RPS6KC1: variants seen among roughly 807,000 people sequenced by gnomAD.
The protein encoded by RPS6KC1 is inactive ribosomal protein S6 kinase delta-1.
RPS6KC1 carries 54 observed loss-of-function variants against 103.8 expected under a neutral mutation model. That is an observed-to-expected ratio of 0.52 (90% CI 0.42 to 0.65). The LOEUF (loss-of-function observed/expected upper bound fraction) is 0.65, where lower values mean the gene tolerates loss of function less well. Ranked by LOEUF, RPS6KC1 falls within the 30% of genes least tolerant of loss-of-function variation. RPS6KC1 has a pLI of 0.00. For missense variants in RPS6KC1, 1,151 were observed against 1,253.8 expected (o/e 0.92, Z 1.24); for synonymous variants, 439 against 438.7 (o/e 1.00, Z -0.01).
the RPS6KC1 span, among the ~76,000 whole-genome samples, chr1:213,487,956 T>G: frequency 6.6e-6 from 1 of 152,236 alleles, no homozygotes; most frequent in Non-Finnish European, 1.5e-5. Context: ...TCTCTAATAC[T>G]GTCTCCCTCC....
At chr1:213,209,084 A>G (rs2093431413) in intron 8 of RPS6KC1, among the ~76,000 whole-genome samples, 1 of 151,972 alleles carries the variant, frequency 6.6e-6, no homozygotes, top group African/African-American at 2.4e-5. Flanking sequence ...TATGTTGGCT[A>G]CAGCCCGTTG....
At chr1:213,113,743 G>A (rs2083276937) in intron 4 of RPS6KC1, among the ~76,000 whole-genome samples, 1 of 152,122 alleles carries the variant, frequency 6.6e-6, no homozygotes, top group African/African-American at 2.4e-5. Flanking sequence ...TGTATGAGGT[G>A]TAAGGAAGGG....
At chr1:213,534,363 A>G in the RPS6KC1 span, among the ~76,000 whole-genome samples, 10,625 of 152,306 alleles carry the variant, frequency 0.07, 481 homozygotes, top group Middle Eastern at 0.12. Flanking sequence ...GAGTATTCTA[A>G]ACACTTCCTA....
the RPS6KC1 span, among the ~76,000 whole-genome samples, chr1:213,565,165 T>C: frequency 1.3e-5 from 2 of 152,258 alleles, no homozygotes. Flanking sequence ...CAGAAATTCA[T>C]ATATTAGAAA....
At chr1:213,171,777 G>A (rs2091494332) in intron 7 of RPS6KC1, among the ~76,000 whole-genome samples, 1 of 152,000 alleles carries the variant, frequency 6.6e-6, no homozygotes, top group Non-Finnish European at 1.5e-5. Flanking sequence ...TCAGTAATAG[G>A]TCTGCAATTT....
At chr1:213,801,148 G>T in the RPS6KC1 span, among the ~76,000 whole-genome samples, 24 of 152,200 alleles carry the variant, frequency 1.6e-4, 1 homozygote, top group East Asian at 1.5e-3. Context: ...CTGTCATTTT[G>T]TCATCTTAGT....
chr1:213,089,982 T>A (rs1461787383), intron 3 of RPS6KC1, among the ~76,000 whole-genome samples: 1 of 152,234 alleles, frequency 6.6e-6, no homozygotes, highest in Non-Finnish European at 1.5e-5. Flanking sequence ...CTAGAAATTT[T>A]ATGGGCATAT....
the RPS6KC1 span, among the ~76,000 whole-genome samples, chr1:213,474,388 G>A: frequency 1.3e-5 from 2 of 152,130 alleles, no homozygotes; most frequent in African/African-American, 4.8e-5. Context: ...TTTGATTATA[G>A]GAGTGGAGAG....
chr1:213,059,123 A>G (rs2077595978), intron 1 of RPS6KC1, among the ~76,000 whole-genome samples: 1 of 152,158 alleles, frequency 6.6e-6, no homozygotes, highest in African/African-American at 2.4e-5. Context: ...TTTTTAAATT[A>G]TACTTTAAGT....
chr1:213,626,492 G>C, the RPS6KC1 span, among the ~76,000 whole-genome samples: 1 of 152,112 alleles, frequency 6.6e-6, no homozygotes, highest in African/African-American at 2.4e-5. Flanking sequence ...TAGACATGAA[G>C]TCCTTGCCCA....
At chr1:213,078,489 C>G (rs1231875118) in intron 3 of RPS6KC1, among the ~76,000 whole-genome samples, 1 of 152,078 alleles carries the variant, frequency 6.6e-6, no homozygotes, top group Non-Finnish European at 1.5e-5. Flanking sequence ...GCAGCCTCCA[C>G]CTCCTGGGTT....
At chr1:213,113,067 G>A (rs1482838141) in intron 4 of RPS6KC1, among the ~76,000 whole-genome samples, 1 of 152,050 alleles carries the variant, frequency 6.6e-6, no homozygotes, top group Non-Finnish European at 1.5e-5. Flanking sequence ...TAGTCCTTTG[G>A]GTATATACCC....
At chr1:213,326,243 G>A in the RPS6KC1 span, among the ~76,000 whole-genome samples, 1 of 152,018 alleles carries the variant, frequency 6.6e-6, no homozygotes, top group Non-Finnish European at 1.5e-5. Flanking sequence ...GCAGTCAAAG[G>A]CAATCAAATA....
the RPS6KC1 span, among the ~76,000 whole-genome samples, chr1:213,375,393 A>G: frequency 2.4e-4 from 36 of 152,356 alleles, no homozygotes; most frequent in East Asian, 4.4e-3. Context: ...GTTTTCTCTT[A>G]ACCTCGTGCA....
the RPS6KC1 span, among the ~76,000 whole-genome samples, chr1:213,417,251 C>G: frequency 6.6e-6 from 1 of 152,196 alleles, no homozygotes; most frequent in African/African-American, 2.4e-5. Flanking sequence ...AGTCACCATG[C>G]ACACAAAATG....
the RPS6KC1 span, among the ~76,000 whole-genome samples, chr1:213,562,595 C>T: frequency 2.0e-5 from 3 of 151,822 alleles, no homozygotes; most frequent in African/African-American, 7.3e-5. Flanking sequence ...GTCTTGATGT[C>T]CTGACCTTGT....
the RPS6KC1 span, among the ~76,000 whole-genome samples, chr1:213,718,805 G>A: frequency 2.7e-4 from 41 of 152,366 alleles, no homozygotes; most frequent in South Asian, 6.2e-4. Context: ...CATCTGGAGA[G>A]CTGGTTAACA....
chr1:213,058,399 G>A (rs1443190607), intron 1 of RPS6KC1, among the ~76,000 whole-genome samples: 1 of 149,668 alleles, frequency 6.7e-6, no homozygotes, highest in Non-Finnish European at 1.5e-5. Context: ...TTATTTCTTT[G>A]CATTTTATAT....
Position 213,241,876 on chromosome 1 carries a change from A to T in RPS6KC1, c.2400A>T (p.Gln800His), listed in dbSNP as rs1198069082. ...SLLPSSDPKF[Q>H]GLGVVESAVT... The stretch of plus-strand genomic sequence containing the variant: ...TACCCAGCTCAGATCCTAAGTTTCA[A>T]GGACTTGGAGTGGTTGAGTCAGCAG... The change falls in exon 11 of 15, where the codon CAA becomes CAT. Residue 800 changes from glutamine to histidine, a missense_variant. Physicochemically the swap from Gln to His is conservative, Grantham distance 24. Transcript: ENST00000366960. 1 of 1,614,030 alleles carries T rather than the reference A, an allele frequency of 6.2e-7. No homozygotes were observed. Among genetic ancestry groups the T allele is most frequent in the Non-Finnish European group, 8.5e-7 (1 of 1,179,946 alleles).
Sources: allele counts gnomAD v4.1 joint callset (sites outside exome capture counted in the v4.1 genomes callset), GRCh38; gene constraint gnomAD v4.1.1; transcripts MANE v1.5; gene names NCBI Gene and HGNC (gene_info 2026-07-23, HGNC 2026-07-21).